Variants in TXNDC11 observed in about 807,000 individuals in gnomAD.
TXNDC11 encodes the protein thioredoxin domain containing 11.
TXNDC11 carries 68 observed loss-of-function variants against 78.0 expected under a neutral mutation model. That is an observed-to-expected ratio of 0.87 (90% CI 0.72 to 1.07). The LOEUF is 1.07. Ranked by LOEUF, TXNDC11 falls within the 50% of genes least tolerant of loss-of-function variation. The pLI is 0.00. For synonymous variants in TXNDC11, 571 were observed against 495.2 expected (o/e 1.15, Z -2.03); for missense variants, 1,389 against 1,221.8 (o/e 1.14, Z -2.04).
chr16:11,705,100 T>C (rs1478900074), intron 5 of TXNDC11, among the ~76,000 whole-genome samples: 1 of 152,128 alleles, frequency 6.6e-6, no homozygotes, highest in African/African-American at 2.4e-5. Context: ...TTTCACCATG[T>C]TGGCCAGGAT....
Position 11,688,345 on chromosome 16 carries a change from T to G in TXNDC11, c.2001A>C (p.Glu667Asp). ...CTTCCCAAAAGGTATCAGTTGTCAC[T>G]TCAGTGATTAAATGCTGAGACGGGA... ...AQFPSQHLIT[E>D]VTTDTFWEVV... The change falls in exon 9 of 12, where the codon GAA (glutamate) becomes GAC (aspartate). Residue 667 changes from glutamate (E) to aspartate (D), a missense_variant. By Grantham distance (45) the Glu-to-Asp change is conservative. Coordinates refer to ENST00000283033, the MANE Select transcript of TXNDC11 (RefSeq NM_015914.7). 1 of 1,614,194 alleles carries G rather than the reference T, an allele frequency of 6.2e-7. No homozygotes were observed. Among genetic ancestry groups the G allele is most frequent in the South Asian group, 1.1e-5 (1 of 91,082 alleles).
chr16:11,707,602 C>T (rs1421720606), intron 5 of TXNDC11, among the ~76,000 whole-genome samples: 6 of 151,780 alleles, frequency 4.0e-5, no homozygotes, highest in Admixed American at 3.9e-4. Flanking sequence ...GCGTGCACCA[C>T]CATGCCCAGC....
chr16:11,726,567 G>A (rs535728592), intron 4 of TXNDC11, among the ~76,000 whole-genome samples: 13 of 124,884 alleles, frequency 1.0e-4, no homozygotes, highest in Admixed American at 7.1e-4. Flanking sequence ...ACAACAGAGC[G>A]AGACTCCACC....
In TXNDC11 at chr16:11,698,290, C is replaced by T. The variant is rs780724179; in HGVS notation, c.942G>A (p.Glu314=). ...TTTCTAAGGCCCACTTACAGATGTT[C>T]TCAGCTGTGTAGTTCAGGACCTCCC... ...FPREVLNYTA[E]NICKWALENQ... Residue 314 remains glutamate, a synonymous_variant, in exon 7 of 12, where the codon GAG becomes GAA. Transcript: ENST00000283033. 6.2e-7 allele frequency: 1 copy of T among 1,613,992 alleles called. No individual in the cohort carries two copies. The highest frequency in any genetic ancestry group is 8.5e-7 in the Non-Finnish European group (1 of 1,180,036).
intron 3 of TXNDC11, among the ~76,000 whole-genome samples, chr16:11,731,333 A>C (rs1319335807): frequency 6.6e-6 from 1 of 152,222 alleles, no homozygotes; most frequent in Admixed American, 6.5e-5. Context: ...GAAGGTCTGA[A>C]GTCAGTGACC....
chr16:11,681,093 G>C (rs1423012901), intron 11 of TXNDC11, among the ~76,000 whole-genome samples: 1 of 152,168 alleles, frequency 6.6e-6, no homozygotes. Context: ...GATCACTTGA[G>C]TCCAGGAGTT....
At chr16:11,737,586 G>A (rs938514091) in intron 1 of TXNDC11, among the ~76,000 whole-genome samples, 4 of 151,604 alleles carry the variant, frequency 2.6e-5, no homozygotes, top group South Asian at 2.1e-4. Flanking sequence ...AGGAGAGGCC[G>A]GGCGCGGTGG....
intron 4 of TXNDC11, among the ~76,000 whole-genome samples, chr16:11,722,677 A>G (rs1334701697): frequency 6.6e-6 from 1 of 152,218 alleles, no homozygotes; most frequent in East Asian, 1.9e-4. Context: ...AAGCCTGATG[A>G]ACCGTAAAGC....
At position 11,730,510 on chromosome 16, in the gene TXNDC11, G is replaced by A. The variant is rs367995604; in HGVS notation, c.699+135C>T. On this transcript the variant is annotated intron_variant, in intron 4 of 11. Coordinates refer to ENST00000283033, the MANE Select transcript of TXNDC11 (RefSeq NM_015914.7). ...TCAGTATCTCAAAAAGCATTTAACT[G>A]GGGCTGATCTATCACATGACCTTTT... 288 of 846,450 alleles carry A rather than the reference G, an allele frequency of 3.4e-4. No individual in the cohort carries two copies. In the African/African-American group the frequency reaches 4.3e-3, roughly 13 times the overall value. The allele number at this position is 846,450 out of a possible 1,614,324, so 52.4% of individuals were successfully genotyped here. A position where few individuals can be genotyped will look rare whatever the true frequency, so the allele number is the denominator to read the frequency against.
Position 11,700,509 on chromosome 16 carries a change from C to T in TXNDC11, c.849G>A (p.Leu283=). The T allele has an allele frequency of 6.2e-7, 1 of 1,607,050 alleles. No homozygotes were observed. The highest frequency in any genetic ancestry group is 8.5e-7 in the Non-Finnish European group (1 of 1,173,874). ...GVITNKHLAK[L]VSLVHSGSVY... ...CACTTCCAGAGTGTACTAAGGATAC[C>T]AGTTTCGCAAGATGTTTATTTGTGA... The change falls in exon 6 of 12, where the codon CTG becomes CTA. Residue 283 remains leucine, a synonymous_variant. Transcript: ENST00000283033.
At chr16:11,682,006 T>C (rs1440133963) in intron 11 of TXNDC11, among the ~76,000 whole-genome samples, 1 of 152,246 alleles carries the variant, frequency 6.6e-6, no homozygotes, top group Non-Finnish European at 1.5e-5. Context: ...CCTCAACATT[T>C]TCCCCTCTGT....
intron 5 of TXNDC11, among the ~76,000 whole-genome samples, chr16:11,707,570 T>C (rs1385713200): frequency 1.3e-5 from 2 of 151,776 alleles, no homozygotes; most frequent in Non-Finnish European, 2.9e-5. Flanking sequence ...TGCCTCAGCC[T>C]CCTGAGTAGC....
At chr16:11,721,311 C>A (rs1275279237) in intron 5 of TXNDC11, 2 of 227,858 alleles carry the variant, frequency 8.8e-6, no homozygotes, top group Admixed American at 1.1e-4. Context: ...TGGCGGCAGG[C>A]ACCTATGTAA....
rs1370594674 is a variant in TXNDC11, at chr16:11,742,774, G to GGGCCCGAAGGCCCGGCCC, written c.-62_-45dup. On this transcript the variant is annotated 5_prime_UTR_variant, in exon 1 of 12. Transcript: ENST00000283033. The stretch of plus-strand genomic sequence containing the variant: ...GGCTTTATACCGCCGCCGCCGCCTC[G>GGGCCCGAAGGCCCGGCCC]GGCCCGAAGGCCCGGCCCGGCCCGT... 1.6e-5 allele frequency: 22 copies of GGGCCCGAAGGCCCGGCCC among 1,415,068 alleles called. No homozygotes were observed. Among genetic ancestry groups the GGGCCCGAAGGCCCGGCCC allele is most frequent in the Non-Finnish European group, 1.9e-5 (21 of 1,091,282 alleles). 87.7% of individuals were successfully genotyped at this position (1,415,068 alleles called of 1,614,324 possible).
chr16:11,704,743 G>A (rs951385383), intron 5 of TXNDC11, among the ~76,000 whole-genome samples: 7 of 152,186 alleles, frequency 4.6e-5, no homozygotes, highest in Non-Finnish European at 8.8e-5. Context: ...AGGAAAGACA[G>A]AGGATTTGTC....
intron 11 of TXNDC11, among the ~76,000 whole-genome samples, chr16:11,682,472 G>C (rs2050447742): frequency 6.6e-6 from 1 of 152,210 alleles, no homozygotes; most frequent in Non-Finnish European, 1.5e-5. Flanking sequence ...TAAGAACGAA[G>C]GTCACTCAGC....
At chr16:11,742,456 C>A in intron 1 of TXNDC11, 21 bp downstream of exon 1, 1 of 1,393,902 alleles carries the variant, frequency 7.2e-7, no homozygotes, top group Non-Finnish European at 9.2e-7. Context: ...TAGCGGGGCC[C>A]CAGGGTCCGG....
chr16:11,706,793 T>A (rs2051193487), intron 5 of TXNDC11, among the ~76,000 whole-genome samples: 1 of 152,220 alleles, frequency 6.6e-6, no homozygotes, highest in Non-Finnish European at 1.5e-5. Flanking sequence ...TGGCTCACTA[T>A]CCTCTAGTTT....
rs775692910 is a variant in TXNDC11, at chr16:11,736,080, C to T, written c.408G>A (p.Trp136Ter). ...EVVLLFFYAP[W>*]CGQSIAARAE... ...CCCTGGCAGCGATGGACTGTCCACA[C>T]CAAGGGGCATAGAAGAAGAGCAGTA... Residue 136 changes from tryptophan to a stop codon, truncating the protein, a stop_gained, in exon 2 of 12, where the codon TGG becomes TGA. Coordinates refer to ENST00000283033, the MANE Select transcript of TXNDC11 (RefSeq NM_015914.7). LOFTEE classifies it high-confidence loss of function. 1.2e-6 allele frequency: 2 copies of T among 1,614,050 alleles called. No homozygotes were observed. The highest frequency in any genetic ancestry group is 1.7e-5 in the Admixed American group (1 of 59,986).
Sources: gnomAD v4.1 joint callset for allele counts (sites outside exome capture counted in the v4.1 genomes callset) on GRCh38, gnomAD v4.1.1 for gene constraint, MANE v1.5 for transcripts, NCBI Gene and HGNC (gene_info 2026-07-23, HGNC 2026-07-21) for gene names.